The following EPCAM variants were observed in gnomAD, a reference collection of about 807,000 sequenced individuals.
EPCAM encodes epithelial cell adhesion molecule, also known as adenocarcinoma-associated antigen.
A neutral mutation model predicts 40.0 loss-of-function variants in EPCAM; 39 were observed. That is an observed-to-expected ratio of 0.98 (90% CI 0.76 to 1.27). The LOEUF (loss-of-function observed/expected upper bound fraction) is 1.27, where lower values mean the gene tolerates loss of function less well. EPCAM is among the 50% of genes most tolerant of loss of function. EPCAM has a pLI of 0.00. For synonymous variants in EPCAM, 168 were observed against 132.3 expected (o/e 1.27, Z -1.85); for missense variants, 503 against 381.2 (o/e 1.32, Z -2.66).
At chr2:47,381,392 C>CAAAAAAAAAAAAAAAAAAAAAAAAAAAA (rs370875469) in intron 7 of EPCAM, among the ~76,000 whole-genome samples, 1 of 74,358 alleles carries the variant, frequency 1.3e-5, no homozygotes, top group Non-Finnish European at 2.8e-5. Flanking sequence ...AACTCCGTCT[C>CAAAAAAAAAAAAAAAAAAAAAAAAAAAA]AAAAAAAAAA....
chr2:47,385,277 C>G (rs1414914749), intron 8 of EPCAM, 67 bp downstream of exon 8: 1 of 1,255,308 alleles, frequency 8.0e-7, no homozygotes, highest in African/African-American at 1.5e-5. Context: ...ACTCTACCTT[C>G]CTACACACTG....
chr2:47,378,776 C>T (rs181487016), intron 5 of EPCAM, among the ~76,000 whole-genome samples, 177 bp from the exon 6 acceptor site: 2 of 152,052 alleles, frequency 1.3e-5, no homozygotes, highest in Non-Finnish European at 2.9e-5. Flanking sequence ...GATTTAGAGA[C>T]CTCCCAAAGA....
intron 3 of EPCAM, among the ~76,000 whole-genome samples, chr2:47,374,294 T>G (rs1475836218): frequency 6.6e-6 from 1 of 152,222 alleles, no homozygotes; most frequent in Non-Finnish European, 1.5e-5. Flanking sequence ...TTTTATTATT[T>G]TTACATAAAT....
rs553722936 is a variant in EPCAM, at chr2:47,370,935, A to T, written c.76+1354A>T. 4.1e-4 allele frequency among the ~76,000 whole-genome samples: 62 copies of T among 151,302 alleles called. 3 individuals carry two copies. In the South Asian group the frequency reaches 0.012, roughly 30 times the overall value. On this transcript the variant is annotated intron_variant, in intron 1 of 8. Coordinates refer to ENST00000263735, the MANE Select transcript of EPCAM (RefSeq NM_002354.3). Reference sequence around the variant, plus strand: ...GCCATGTTGGCCAGGCTGGTCTCGAACTCCTGACCTCAGGTGATCCACCGA... The same window carrying T: ...GCCATGTTGGCCAGGCTGGTCTCGATCTCCTGACCTCAGGTGATCCACCGA...
intron 7 of EPCAM, among the ~76,000 whole-genome samples, chr2:47,380,457 A>G (rs1384225334): frequency 6.6e-6 from 1 of 152,242 alleles, no homozygotes; most frequent in African/African-American, 2.4e-5. Flanking sequence ...AAGTCATTTT[A>G]TGAAGCAAGA....
intron 6 of EPCAM, 25 bp from the exon 7 acceptor site, chr2:47,379,744 A>G: frequency 1.9e-6 from 3 of 1,610,708 alleles, no homozygotes; most frequent in Non-Finnish European, 2.5e-6. Flanking sequence ...AATATTTTTA[A>G]TTCCTTTTCT....
chr2:47,375,152 G>A lies in EPCAM; in HGVS notation c.426-82G>A, dbSNP rs761289990. 1.3e-3 allele frequency: 1,401 copies of A among 1,060,086 alleles called. 2 individuals carry two copies. The highest frequency in any genetic ancestry group is 1.8e-3 in the Non-Finnish European group (1,250 of 693,128). The allele number at this position is 1,060,086 out of a possible 1,614,324, so 65.7% of individuals were successfully genotyped here. On this transcript the variant is annotated intron_variant, in intron 3 of 8. Transcript: ENST00000263735. ...TTTTTTCTCTTAGTCCTTATAATTC[G>A]AGAATTTTAGGATTAGCTTATTAGG... is the stretch of plus-strand genomic sequence containing the variant.
In EPCAM at chr2:47,386,595, T is replaced by A; in HGVS notation, c.927T>A (p.His309Gln). ...AGATAAAGGAGATGGGTGAGATGCA[T>A]AGGGAACTCAATGCATAACTATATA... Reference protein sequence around the residue: ...KAEIKEMGEMHRELNA With the variant: ...KAEIKEMGEMQRELNA The change falls in exon 9 of 9, where the codon CAT (histidine) becomes CAA (glutamine). Residue 309 changes from histidine to glutamine, a missense_variant. Physicochemically the swap from His to Gln is conservative, Grantham distance 24. Coordinates refer to ENST00000263735, the MANE Select transcript of EPCAM (RefSeq NM_002354.3). 6.2e-7 allele frequency: 1 copy of A among 1,607,158 alleles called. No homozygotes were observed. Among genetic ancestry groups the A allele is most frequent in the Non-Finnish European group, 8.5e-7 (1 of 1,174,508 alleles).
chr2:47,383,753 G>A (rs746471599), intron 7 of EPCAM, among the ~76,000 whole-genome samples: 85 of 147,474 alleles, frequency 5.8e-4, no homozygotes, highest in Non-Finnish European at 7.1e-4. Flanking sequence ...TCTTGCCTCA[G>A]CTTCCCAAGT....
rs769472896 is a variant in EPCAM at position 47,379,067 on chromosome 2, T to A, written c.657+13T>A. On this transcript the variant is annotated intron_variant, in intron 6 of 8. Transcript: ENST00000263735. ...TTTTGAAAAAGATGTGAGTATCATC[T>A]TCTTTATTCCTGTGTTCAGGAATGT... 7 of 1,314,500 alleles carry A rather than the reference T, an allele frequency of 5.3e-6. No homozygotes were observed. The South Asian group carries it at 8.3e-5, about 16-fold the overall frequency. The allele number at this position is 1,314,500 out of a possible 1,614,324, so 81.4% of individuals were successfully genotyped here. A position where few individuals can be genotyped will look rare whatever the true frequency, so the allele number is the denominator to read the frequency against.
chr2:47,375,363 C>A (rs994625769), intron 4 of EPCAM, 64 bp downstream of exon 4: 2 of 1,065,816 alleles, frequency 1.9e-6, no homozygotes, highest in Non-Finnish European at 2.9e-6. Context: ...CATCCTACAC[C>A]ATTAGAAAAA....
chr2:47,371,474 C>A (rs1047324154), intron 1 of EPCAM, among the ~76,000 whole-genome samples: 2 of 152,156 alleles, frequency 1.3e-5, no homozygotes, highest in African/African-American at 4.8e-5. Context: ...TGGCGTTTGC[C>A]AAAGGTCTCT....
chr2:47,384,350 C>A (rs1671678600), intron 7 of EPCAM, among the ~76,000 whole-genome samples: 1 of 151,688 alleles, frequency 6.6e-6, no homozygotes, highest in South Asian at 2.1e-4. Context: ...GTGATCCACC[C>A]ACCTCAGCCT....
At position 47,377,263 on chromosome 2, in the gene EPCAM, C is replaced by T. The variant is rs906339487; in HGVS notation, c.555+186C>T. ...TGTTTGTTTGTTTCTTTAAGACAGA[C>T]TATTGCTCTCTTCCCCAGGCTGGAG... On this transcript the variant is annotated intron_variant, in intron 5 of 8. Coordinates refer to ENST00000263735, the MANE Select transcript of EPCAM (RefSeq NM_002354.3). Among the ~76,000 whole-genome samples, 111 of 151,994 alleles carry T rather than the reference C, an allele frequency of 7.3e-4. 1 individual carries two copies. The highest frequency in any genetic ancestry group is 4.3e-4 in the Non-Finnish European group (29 of 67,968).
At chr2:47,386,261 A>T (rs1382679723) in intron 8 of EPCAM, among the ~76,000 whole-genome samples, 1 of 152,216 alleles carries the variant, frequency 6.6e-6, no homozygotes, top group African/African-American at 2.4e-5. Context: ...GATAATAGAA[A>T]GTAAATCAAT....
At chr2:47,378,550 C>T (rs897188099) in intron 5 of EPCAM, among the ~76,000 whole-genome samples, 3 of 152,134 alleles carry the variant, frequency 2.0e-5, no homozygotes, top group Non-Finnish European at 4.4e-5. Flanking sequence ...GATCCGCCCA[C>T]CTCAGCCTCC....
intron 1 of EPCAM, among the ~76,000 whole-genome samples, chr2:47,371,175 A>G (rs1171624262): frequency 1.3e-5 from 2 of 152,104 alleles, no homozygotes; most frequent in African/African-American, 4.8e-5. Flanking sequence ...GGTGACTGGT[A>G]TGTTGCACCG....
chr2:47,379,676 C>A, intron 6 of EPCAM, 93 bp from the exon 7 acceptor site: 2 of 1,378,008 alleles, frequency 1.5e-6, no homozygotes, highest in Non-Finnish European at 2.0e-6. Flanking sequence ...TTCTTGGCAG[C>A]GGTTCTTTTG....
At chr2:47,379,428 G>T (rs1017157669) in intron 6 of EPCAM, among the ~76,000 whole-genome samples, 18 of 150,998 alleles carry the variant, frequency 1.2e-4, no homozygotes, top group African/African-American at 4.5e-4. Context: ...ATTATAGTGA[G>T]GTATTTTCTG....
Sources: allele counts gnomAD v4.1 joint callset (sites outside exome capture counted in the v4.1 genomes callset), GRCh38; gene constraint gnomAD v4.1.1; transcripts MANE v1.5; gene names NCBI Gene and HGNC (gene_info 2026-07-23, HGNC 2026-07-21).